The following GDAP1 variants were observed in gnomAD, a reference collection of about 807,000 sequenced individuals.
GDAP1 encodes ganglioside induced differentiation associated protein 1.
A neutral mutation model predicts 40.1 loss-of-function variants in GDAP1; 34 were observed. That is an observed-to-expected ratio of 0.85 (90% CI 0.64 to 1.13). The LOEUF (loss-of-function observed/expected upper bound fraction) is 1.13, where lower values mean the gene tolerates loss of function less well. Among genes scored for constraint, GDAP1 ranks in the 50% most tolerant of loss-of-function variants. GDAP1 has a pLI of 0.00. For missense variants in GDAP1, 374 were observed against 433.7 expected (o/e 0.86, Z 1.22); for synonymous variants, 170 against 157.4 (o/e 1.08, Z -0.60).
In GDAP1 at chr8:74,443,976, G is replaced by GTCTA. The variant is rs768541030; in HGVS notation, c.166-44699_166-44698insATCT. Reference sequence around the variant, plus strand: ...GTCACAAGTTTCCTTTATTCTTTCTGTCTGTCTATCTATCTATCTATCTAT... The same window carrying GTCTA: ...GTCACAAGTTTCCTTTATTCTTTCTGTCTATCTGTCTATCTATCTATCTATCTAT... On this transcript the variant is annotated intron_variant, in intron 2 of 2. Coordinates refer to the GDAP1 transcript ENST00000523640. Among the ~76,000 whole-genome samples the GTCTA allele has an allele frequency of 1.5e-3, 202 of 130,906 alleles. 1 individual carries two copies. Among genetic ancestry groups the GTCTA allele is most frequent in the Admixed American group, 5.6e-3 (69 of 12,404 alleles). 85.9% of individuals were successfully genotyped at this position (130,906 alleles called of 152,430 possible). A position where few individuals can be genotyped will look rare whatever the true frequency, so the allele number is the denominator to read the frequency against.
intron 2 of GDAP1, among the ~76,000 whole-genome samples, chr8:74,413,921 G>C (rs187303562): frequency 6.7e-6 from 1 of 149,976 alleles, no homozygotes; most frequent in Non-Finnish European, 1.5e-5. Context: ...GACTCTTCAA[G>C]TTGTTTATGA....
rs117364487 is a variant in GDAP1 at position 74,435,723 on chromosome 8, A to T, written c.166-52955A>T. Among the ~76,000 whole-genome samples the T allele has an allele frequency of 5.5e-3, 834 of 152,320 alleles. 3 individuals carry two copies. Among genetic ancestry groups the T allele is most frequent in the Middle Eastern group, 0.014 (4 of 294 alleles). On this transcript the variant is annotated intron_variant, in intron 2 of 2. Transcript: ENST00000523640. ...TTTCCATATTGAATCTCACAAAGAGATGTTTAGAAGCAGTTCTACTTTCCT... is the reference window on the plus strand; with the variant it reads ...TTTCCATATTGAATCTCACAAAGAGTTGTTTAGAAGCAGTTCTACTTTCCT...
chr8:74,363,943 G>A, intron 5 of GDAP1, 42 bp from the exon 6 acceptor site: 6 of 1,592,780 alleles, frequency 3.8e-6, no homozygotes, highest in Non-Finnish European at 5.2e-6. Context: ...TCTGTCTGTA[G>A]AGTGCTTGCC....
Position 74,351,417 on chromosome 8 carries a change from T to A in GDAP1, c.261T>A (p.Ile87=). ...TCCTTATCCACGGGGAAAACATAAT[T>A]TGTGAGGCCACTCAGATCATTGATT... ...VPVLIHGENI[I]CEATQIIDYL... The change falls in exon 2 of 6, where the codon ATT becomes ATA. Residue 87 remains isoleucine, a synonymous_variant. Coordinates refer to ENST00000220822, the MANE Select transcript of GDAP1 (RefSeq NM_018972.4). The A allele has an allele frequency of 6.2e-7, 1 of 1,614,106 alleles. No homozygotes were observed. The highest frequency in any genetic ancestry group is 8.5e-7 in the Non-Finnish European group (1 of 1,179,924).
At chr8:74,429,538 T>C (rs1342615907) in intron 2 of GDAP1, among the ~76,000 whole-genome samples, 1 of 152,190 alleles carries the variant, frequency 6.6e-6, no homozygotes, top group Non-Finnish European at 1.5e-5. Flanking sequence ...GGTTGATTTC[T>C]TCAAAGAGTC....
chr8:74,431,546 A>G (rs1586833149), intron 2 of GDAP1, among the ~76,000 whole-genome samples: 1 of 151,964 alleles, frequency 6.6e-6, no homozygotes, highest in Non-Finnish European at 1.5e-5. Context: ...CAGTGGCTGG[A>G]TCTCCGCTCA....
chr8:74,398,848 C>T (rs1247975882), intron 2 of GDAP1, among the ~76,000 whole-genome samples: 1 of 151,900 alleles, frequency 6.6e-6, no homozygotes, highest in Non-Finnish European at 1.5e-5. Flanking sequence ...TGCTGGATTG[C>T]ATTTATTGAT....
At chr8:74,369,036 T>C (rs998689909), downstream of GDAP1, among the ~76,000 whole-genome samples, 1 of 152,194 alleles carries the variant, frequency 6.6e-6, no homozygotes, top group Non-Finnish European at 1.5e-5. Flanking sequence ...TTCTGGAGGT[T>C]GATTTCTGCC....
rs1369145536 is a variant in GDAP1 at position 74,366,751 on chromosome 8, G to T, written c.*2384G>T. ...TCATAAATTGCTTGCTCAATTTTTAGTAATTATTGCTGTTGACACCAGCGT... is the reference window on the plus strand; with the variant it reads ...TCATAAATTGCTTGCTCAATTTTTATTAATTATTGCTGTTGACACCAGCGT... On this transcript the variant is annotated 3_prime_UTR_variant, in exon 6 of 6. Coordinates refer to ENST00000220822, the MANE Select transcript of GDAP1 (RefSeq NM_018972.4). 4.4e-6 allele frequency: 2 copies of T among 453,630 alleles called. No individual in the cohort carries two copies. Among genetic ancestry groups the T allele is most frequent in the Non-Finnish European group, 8.8e-6 (2 of 226,624 alleles). The allele number at this position is 453,630 out of a possible 1,614,324, so 28.1% of individuals were successfully genotyped here.
intron 2 of GDAP1, among the ~76,000 whole-genome samples, chr8:74,445,027 C>T (rs1414162832): frequency 6.6e-6 from 1 of 152,124 alleles, no homozygotes; most frequent in Non-Finnish European, 1.5e-5. Flanking sequence ...GGTGTCATAA[C>T]AAATAGTTCT....
chr8:74,389,188 A>G (rs1436128098), intron 2 of GDAP1, among the ~76,000 whole-genome samples: 1 of 152,000 alleles, frequency 6.6e-6, no homozygotes, highest in Non-Finnish European at 1.5e-5. Flanking sequence ...ATTTAAGGAT[A>G]ATATTGTTAT....
intron 2 of GDAP1, among the ~76,000 whole-genome samples, chr8:74,373,937 A>T (rs924501779): frequency 5.3e-5 from 8 of 152,142 alleles, no homozygotes; most frequent in Non-Finnish European, 7.4e-5. Flanking sequence ...TCCCATCAAT[A>T]CCTAATTTAT....
chr8:74,471,718 ACT>A (rs1462830071), intron 2 of GDAP1, among the ~76,000 whole-genome samples: 1 of 152,042 alleles, frequency 6.6e-6, no homozygotes, highest in East Asian at 1.9e-4. Flanking sequence ...ACTGCTTGTC[ACT>A]GTCGGTCAGT....
rs191110199 is a variant in GDAP1, at chr8:74,482,134, A to T, written c.166-6544A>T. On this transcript the variant is annotated intron_variant, in intron 2 of 2. Transcript: ENST00000523640. The stretch of plus-strand genomic sequence containing the variant: ...GGTTTTTTTTTGGGGGGGGGGGGTC[A>T]TCTTTCTTCCAGGATCAAGTAGCTT... Among the ~76,000 whole-genome samples the T allele has an allele frequency of 2.1e-5, 3 of 145,378 alleles. No individual in the cohort carries two copies. In the East Asian group the frequency reaches 6.0e-4, roughly 29 times the overall value.
At chr8:74,419,962 C>A (rs536766315) in intron 2 of GDAP1, among the ~76,000 whole-genome samples, 6 of 152,150 alleles carry the variant, frequency 3.9e-5, no homozygotes, top group Non-Finnish European at 4.4e-5. Flanking sequence ...AAAAAATTGG[C>A]CATACATATA....
chr8:74,390,293 G>A (rs950954389), intron 2 of GDAP1, among the ~76,000 whole-genome samples: 14 of 152,148 alleles, frequency 9.2e-5, no homozygotes, highest in South Asian at 2.1e-4. Flanking sequence ...GCCTTTTTGC[G>A]CTGGTTTTTC....
chr8:74,379,011 C>A (rs1809905482), intron 2 of GDAP1, among the ~76,000 whole-genome samples: 1 of 152,028 alleles, frequency 6.6e-6, no homozygotes, highest in Non-Finnish European at 1.5e-5. Context: ...TGGTGTGAGC[C>A]CTGGGAGGGC....
downstream of GDAP1, among the ~76,000 whole-genome samples, chr8:74,367,672 A>G (rs1162251888): frequency 1.3e-5 from 2 of 152,230 alleles, no homozygotes. Flanking sequence ...TGATTTTATA[A>G]TACTCCAGAA....
At chr8:74,390,960 C>T (rs1038350585) in intron 2 of GDAP1, among the ~76,000 whole-genome samples, 1 of 152,330 alleles carries the variant, frequency 6.6e-6, no homozygotes, top group African/African-American at 2.4e-5. Flanking sequence ...GTTTGAACTT[C>T]CTGGTGGCTT....
Sources: allele counts gnomAD v4.1 joint callset (sites outside exome capture counted in the v4.1 genomes callset), GRCh38; gene constraint gnomAD v4.1.1; transcripts MANE v1.5; gene names NCBI Gene and HGNC (gene_info 2026-07-23, HGNC 2026-07-21).